Variants in CNTNAP2 observed in about 807,000 individuals in gnomAD.
The protein encoded by CNTNAP2 is contactin-associated protein-like 2.
Under a neutral mutation model 155.2 loss-of-function variants are expected in CNTNAP2, and 98 were observed. That is an observed-to-expected ratio of 0.63 (90% CI 0.54 to 0.75). The LOEUF is 0.75. Ranked by LOEUF, CNTNAP2 falls within the 30% of genes least tolerant of loss-of-function variation. CNTNAP2 has a pLI of 0.00. For missense variants in CNTNAP2, 1,727 were observed against 1,688.1 expected, an observed-to-expected ratio of 1.02 and a Z score of -0.40; for synonymous variants, 651 against 631.2, an observed-to-expected ratio of 1.03 and a Z score of -0.47.
chr7:146,946,095 TTTCCTTCTTTCCTTCCTTCC>T (rs1427268777), intron 3 of CNTNAP2, among the ~76,000 whole-genome samples: 4 of 147,052 alleles, frequency 2.7e-5, no homozygotes, highest in Admixed American at 6.7e-5. Context: ...CCTTCCTTCC[TTTCCTTCTTTCCTTCCTTCC>T]TTCCTTCTTT....
intron 17 of CNTNAP2, among the ~76,000 whole-genome samples, chr7:148,148,218 A>G (rs1421791471): frequency 6.6e-6 from 1 of 152,198 alleles, no homozygotes; most frequent in East Asian, 1.9e-4. Context: ...TTCCTGACAT[A>G]GGAAAAAAGA....
chr7:147,791,870 G>A (rs1046810938), intron 13 of CNTNAP2, among the ~76,000 whole-genome samples: 3 of 152,216 alleles, frequency 2.0e-5, no homozygotes. Context: ...TTCAGCGAAA[G>A]GACACGGATG....
At chr7:146,462,777 G>A (rs1337814581) in intron 1 of CNTNAP2, among the ~76,000 whole-genome samples, 2 of 152,100 alleles carry the variant, frequency 1.3e-5, no homozygotes, top group Non-Finnish European at 2.9e-5. Flanking sequence ...CTTGTAGCGG[G>A]GAATAGTATG....
chr7:147,658,090 A>T (rs891167182), intron 13 of CNTNAP2, among the ~76,000 whole-genome samples: 2 of 144,596 alleles, frequency 1.4e-5, no homozygotes, highest in Non-Finnish European at 3.1e-5. Context: ...CCCCGTCTCT[A>T]CTAAAAAATA....
intron 8 of CNTNAP2, among the ~76,000 whole-genome samples, chr7:147,193,949 A>C (rs1170929137): frequency 6.6e-6 from 1 of 151,500 alleles, no homozygotes; most frequent in Non-Finnish European, 1.5e-5. Context: ...ATTATCTTAG[A>C]TTGTTTTTTT....
Position 147,093,173 on chromosome 7 carries a change from G to A in CNTNAP2, c.551-14974G>A, listed in dbSNP as rs536967943. Among the ~76,000 whole-genome samples the A allele has an allele frequency of 4.0e-3, 596 of 149,624 alleles. 4 individuals are homozygous for A. The highest frequency in any genetic ancestry group is 0.014 in the African/African-American group (576 of 40,704). ...GGAGAATGGCGTGAACTCGGGAGGC[G>A]GAGCTTGCAGTGAGCTGAGATCGCA... is the stretch of plus-strand genomic sequence containing the variant. On this transcript the variant is annotated intron_variant, in intron 4 of 23. Transcript: ENST00000361727.
chr7:146,615,023 C>G (rs1424700445), intron 1 of CNTNAP2, among the ~76,000 whole-genome samples: 1 of 152,090 alleles, frequency 6.6e-6, no homozygotes, highest in African/African-American at 2.4e-5. Flanking sequence ...AATTTTAATT[C>G]TGTAAATTGT....
intron 15 of CNTNAP2, among the ~76,000 whole-genome samples, chr7:148,046,570 C>T (rs969759708): frequency 6.6e-6 from 1 of 152,134 alleles, no homozygotes; most frequent in Non-Finnish European, 1.5e-5. Flanking sequence ...TCTCTGGCTA[C>T]CTGACACCCC....
intron 13 of CNTNAP2, among the ~76,000 whole-genome samples, chr7:147,838,167 G>A (rs557818685): frequency 1.5e-4 from 23 of 152,230 alleles, no homozygotes; most frequent in South Asian, 6.2e-4. Context: ...CACCTGGAGC[G>A]GCTGGGATGC....
In CNTNAP2 at chr7:147,667,811, TA is replaced by T. The variant is rs569635867; in HGVS notation, c.2098+28513del. The stretch of plus-strand genomic sequence containing the variant: ...CTGCTGCTGCAAAAAAAAAAAATAA[TA>T]AAAAAAATAAAATAAAAAAATAAAA... On this transcript the variant is annotated intron_variant, in intron 13 of 23. Transcript: ENST00000361727. Among the ~76,000 whole-genome samples the T allele has an allele frequency of 9.4e-5, 13 of 138,344 alleles. 1 individual carries two copies. In the South Asian group the frequency reaches 1.5e-3, roughly 16 times the overall value. 90.8% of individuals were successfully genotyped at this position (138,344 alleles called of 152,430 possible).
At chr7:147,743,362 C>T (rs187323470) in intron 13 of CNTNAP2, among the ~76,000 whole-genome samples, 2 of 152,170 alleles carry the variant, frequency 1.3e-5, no homozygotes, top group Non-Finnish European at 2.9e-5. Context: ...TGTAGAGAAG[C>T]TCATCTTTGA....
rs536097832 is a variant in CNTNAP2 at position 147,462,365 on chromosome 7, AACAAGAATGTAAAGT to A, written c.1671-23567_1671-23553del. ...CCAATAAATACCCTTTTCATTTATA[AACAAGAATGTAAAGT>A]ACTGCTTACTTCTCACTAGTGGTTT... On this transcript the variant is annotated intron_variant, in intron 10 of 23. Transcript: ENST00000361727. Among the ~76,000 whole-genome samples, 509 of 152,336 alleles carry A rather than the reference AACAAGAATGTAAAGT, an allele frequency of 3.3e-3. 1 individual carries two copies. The highest frequency in any genetic ancestry group is 0.012 in the African/African-American group (489 of 41,570).
intron 21 of CNTNAP2, among the ~76,000 whole-genome samples, chr7:148,305,142 G>C (rs373421511): frequency 1.4e-5 from 2 of 139,666 alleles, no homozygotes; most frequent in African/African-American, 5.3e-5. Flanking sequence ...AGGATCACTT[G>C]AGCCCAGGAA....
chr7:147,578,884 CAA>C (rs1302154411), intron 12 of CNTNAP2, among the ~76,000 whole-genome samples: 1 of 152,176 alleles, frequency 6.6e-6, no homozygotes, highest in South Asian at 2.1e-4. Flanking sequence ...AGAAAACTCA[CAA>C]AGTTTATGAA....
At chr7:147,872,758 A>C (rs1269701673) in intron 13 of CNTNAP2, among the ~76,000 whole-genome samples, 2 of 152,190 alleles carry the variant, frequency 1.3e-5, no homozygotes, top group African/African-American at 2.4e-5. Flanking sequence ...TACTTCCTCA[A>C]TTCCATCTTA....
intron 2 of CNTNAP2, among the ~76,000 whole-genome samples, chr7:146,801,875 TGG>T (rs1262728248): frequency 5.3e-5 from 8 of 152,176 alleles, no homozygotes; most frequent in Non-Finnish European, 2.9e-5. Context: ...ATAGATTCTA[TGG>T]TTCTAGAATA....
intron 4 of CNTNAP2, among the ~76,000 whole-genome samples, chr7:147,085,379 C>G (rs1800253092): frequency 6.6e-6 from 1 of 152,120 alleles, no homozygotes; most frequent in Non-Finnish European, 1.5e-5. Context: ...TGCCTCCTGT[C>G]AGATGAGTGC....
chr7:147,058,379 T>C (rs958094163), intron 4 of CNTNAP2, among the ~76,000 whole-genome samples: 43 of 152,172 alleles, frequency 2.8e-4, no homozygotes, highest in African/African-American at 1.0e-3. Context: ...TATAGTATGT[T>C]CTATAGAGTA....
chr7:146,711,144 G>C (rs1296219962), intron 1 of CNTNAP2, among the ~76,000 whole-genome samples: 7 of 150,604 alleles, frequency 4.6e-5, no homozygotes, highest in Non-Finnish European at 1.0e-4. Flanking sequence ...ATATATGTGT[G>C]TATATACAGG....
Sources: allele counts gnomAD v4.1 joint callset (sites outside exome capture counted in the v4.1 genomes callset), GRCh38; gene constraint gnomAD v4.1.1; transcripts MANE v1.5; gene names NCBI Gene and HGNC (gene_info 2026-07-23, HGNC 2026-07-21).